Variants in DIS3L2 observed in about 807,000 individuals in gnomAD.
The protein encoded by DIS3L2 is DIS3-like exonuclease 2.
A neutral mutation model predicts 97.5 loss-of-function variants in DIS3L2; 34 were observed. The observed-to-expected ratio is 0.35, with a 90% CI of 0.27 to 0.46. DIS3L2 has a LOEUF of 0.46. Ranked by LOEUF, DIS3L2 falls within the 20% of genes least tolerant of loss-of-function variation. The probability of loss-of-function intolerance (pLI) is 1.00; values close to 1 mark genes in which losing one functional copy is unlikely to be tolerated. For synonymous variants in DIS3L2, 435 were observed against 445.2 expected (o/e 0.98, Z 0.29); for missense variants, 1,038 against 1,146.0 (o/e 0.91, Z 1.36).
intron 5 of DIS3L2, among the ~76,000 whole-genome samples, chr2:232,076,884 T>C (rs1167623838): frequency 6.6e-6 from 1 of 152,234 alleles, no homozygotes; most frequent in Non-Finnish European, 1.5e-5. Flanking sequence ...TATTGCATAG[T>C]GTCTCTGACC....
chr2:232,032,668 TAA>T (rs1287720437), intron 5 of DIS3L2, among the ~76,000 whole-genome samples: 2 of 152,222 alleles, frequency 1.3e-5, no homozygotes, highest in East Asian at 3.8e-4. Context: ...CATCTTGAGT[TAA>T]TTTTTGTATA....
chr2:232,331,250 C>T (rs1209728072), intron 16 of DIS3L2, among the ~76,000 whole-genome samples: 1 of 152,252 alleles, frequency 6.6e-6, no homozygotes, highest in Non-Finnish European at 1.5e-5. Flanking sequence ...GTGGGGTGGA[C>T]AGCTGGGCTT....
chr2:232,105,246 T>A (rs542467522), intron 6 of DIS3L2, among the ~76,000 whole-genome samples: 1 of 152,346 alleles, frequency 6.6e-6, no homozygotes, highest in East Asian at 1.9e-4. Flanking sequence ...TTTTCAATTC[T>A]TTTTATACCT....
At chr2:232,217,743 G>A (rs1692381233) in intron 10 of DIS3L2, among the ~76,000 whole-genome samples, 1 of 152,216 alleles carries the variant, frequency 6.6e-6, no homozygotes, top group South Asian at 2.1e-4. Context: ...GGGAAGGGAT[G>A]TGGAGCTTCC....
chr2:232,253,882 A>G (rs1693483033), intron 12 of DIS3L2, among the ~76,000 whole-genome samples: 1 of 152,228 alleles, frequency 6.6e-6, no homozygotes, highest in African/African-American at 2.4e-5. Flanking sequence ...CTTTAAAACT[A>G]TTTGAACTAT....
chr2:232,124,410 G>A (rs1380131073), intron 6 of DIS3L2, among the ~76,000 whole-genome samples: 1 of 152,192 alleles, frequency 6.6e-6, no homozygotes, highest in Admixed American at 6.5e-5. Context: ...ACTTGTGGAT[G>A]AAGAAAAGTG....
chr2:232,021,519 G>T (rs765748376), intron 3 of DIS3L2, among the ~76,000 whole-genome samples: 1 of 152,030 alleles, frequency 6.6e-6, no homozygotes, highest in Non-Finnish European at 1.5e-5. Context: ...GAGAGAGTAG[G>T]TGGGTTAGGG....
At position 232,334,680 on chromosome 2, in the gene DIS3L2, A is replaced by C. The variant is rs1695883033; in HGVS notation, c.2339A>C (p.Gln780Pro). ...GCCATGGTGATGGGCATCCTGAAGC[A>C]AGCCTTCGACGTGCTGGTGCTGCGC... ...SEAMVMGILK[Q>P]AFDVLVLRYG... Residue 780 changes from glutamine to proline, a missense_variant, in exon 19 of 21, where the codon CAA becomes CCA. Gln to Pro is a moderately conservative substitution (Grantham distance 76). Transcript: ENST00000325385. 2 of 1,610,944 alleles carry C rather than the reference A, an allele frequency of 1.2e-6. No homozygotes were observed. Among genetic ancestry groups the C allele is most frequent in the Non-Finnish European group, 1.7e-6 (2 of 1,178,858 alleles).
intron 6 of DIS3L2, among the ~76,000 whole-genome samples, chr2:232,105,258 A>C (rs2106327192): frequency 6.6e-6 from 1 of 152,284 alleles, no homozygotes; most frequent in African/African-American, 2.4e-5. Flanking sequence ...TTTATACCTA[A>C]GTCATATAGG....
At chr2:232,284,188 TG>T (rs1191463833) in intron 13 of DIS3L2, among the ~76,000 whole-genome samples, 1 of 152,092 alleles carries the variant, frequency 6.6e-6, no homozygotes, top group Non-Finnish European at 1.5e-5. Flanking sequence ...GGCCTAGAAG[TG>T]GGGCACAAAC....
At chr2:232,186,254 TA>T (rs1338472259) in intron 9 of DIS3L2, among the ~76,000 whole-genome samples, 2 of 152,242 alleles carry the variant, frequency 1.3e-5, no homozygotes, top group African/African-American at 2.4e-5. Flanking sequence ...TGCAGCCATT[TA>T]AAGGATAATA....
chr2:232,025,016 A>C (rs982141432), intron 4 of DIS3L2, among the ~76,000 whole-genome samples: 9 of 152,332 alleles, frequency 5.9e-5, no homozygotes, highest in South Asian at 2.1e-4. Flanking sequence ...TAGAATAGCT[A>C]TAGAATCACA....
exon 14 of DIS3L2, chr2:232,343,762 C>G: frequency 3.2e-6 from 2 of 619,568 alleles, no homozygotes; most frequent in South Asian, 4.2e-5. Context: ...ATACCCTCTT[C>G]AGCCTTGCAG....
intron 11 of DIS3L2, among the ~76,000 whole-genome samples, chr2:232,241,266 G>A (rs778101365): frequency 3.3e-5 from 5 of 152,180 alleles, no homozygotes; most frequent in African/African-American, 9.7e-5. Flanking sequence ...CTGTGTTTCC[G>A]CCCTCCAGAT....
At chr2:231,973,283 TACAC>T (rs34093471) in intron 1 of DIS3L2, among the ~76,000 whole-genome samples, 3 of 151,122 alleles carry the variant, frequency 2.0e-5, no homozygotes, top group Non-Finnish European at 4.4e-5. Context: ...TACATGTTTA[TACAC>T]ACACACACAC....
intron 8 of DIS3L2, among the ~76,000 whole-genome samples, chr2:232,154,939 A>G (rs1431539923): frequency 1.8e-5 from 2 of 111,858 alleles, no homozygotes; most frequent in South Asian, 3.4e-4. Flanking sequence ...GAAAAGCGCA[A>G]TATTCGGGTG....
chr2:232,249,376 T>G (rs1215964246), intron 12 of DIS3L2, 30 bp downstream of exon 12: 2 of 1,603,340 alleles, frequency 1.2e-6, no homozygotes, highest in African/African-American at 2.7e-5. Flanking sequence ...CTTTCTCCAC[T>G]TACCTCTTTT....
At chr2:232,059,499 A>G (rs967721316) in intron 5 of DIS3L2, among the ~76,000 whole-genome samples, 7 of 152,118 alleles carry the variant, frequency 4.6e-5, no homozygotes, top group African/African-American at 1.7e-4. Flanking sequence ...TTCAACTTTT[A>G]TTTTAGATTC....
rs1181443511 is a variant in DIS3L2, at chr2:232,030,036, G to C, written c.322G>C (p.Gly108Arg). The change falls in exon 5 of 21, where the codon GGG becomes CGG. Residue 108 changes from glycine (G) to arginine (R), a missense_variant. Coordinates refer to ENST00000325385, the MANE Select transcript of DIS3L2 (RefSeq NM_152383.5). ...GVVARNRALN[G>R]DLVVVKLLPE... ...TGTTGCTCGTAATAGAGCCTTAAAT[G>C]GGGATCTGGTGGTCGTGAAACTGCT... 6.2e-7 allele frequency: 1 copy of C among 1,611,014 alleles called. No individual in the cohort carries two copies.
Sources: gnomAD v4.1 joint callset for allele counts (sites outside exome capture counted in the v4.1 genomes callset) on GRCh38, gnomAD v4.1.1 for gene constraint, MANE v1.5 for transcripts, NCBI Gene and HGNC (gene_info 2026-07-23, HGNC 2026-07-21) for gene names.